CLSTN3: variants seen among roughly 807,000 people sequenced by gnomAD.
CLSTN3 encodes calsyntenin 3.
Under a neutral mutation model 95.9 loss-of-function variants are expected in CLSTN3, and 36 were observed. The ratio of observed to expected loss-of-function variants is 0.38; its 90% confidence interval spans 0.29 to 0.50. The LOEUF (loss-of-function observed/expected upper bound fraction) is 0.50, where lower values mean the gene tolerates loss of function less well. Among genes scored for constraint, CLSTN3 ranks in the 20% least tolerant of loss-of-function variants. The pLI, the probability that CLSTN3 is intolerant of heterozygous loss-of-function variation, is 0.95. For synonymous variants in CLSTN3, 481 were observed against 504.0 expected, an observed-to-expected ratio of 0.95 and a Z score of 0.61; for missense variants, 1,084 against 1,268.8, an observed-to-expected ratio of 0.85 and a Z score of 2.21.
Position 7,135,335 on chromosome 12 carries a change from T to C in CLSTN3, c.392T>C (p.Val131Ala). 6.2e-7 allele frequency: 1 copy of C among 1,614,126 alleles called. No individual in the cohort carries two copies. The highest frequency in any genetic ancestry group is 1.1e-5 in the South Asian group (1 of 91,080). Residue 131 changes from valine (V) to alanine (A), a missense_variant, in exon 4 of 18, where the codon GTG becomes GCG. Val to Ala is a moderately conservative substitution (Grantham distance 64, BLOSUM62 0). Coordinates refer to ENST00000266546, the MANE Select transcript of CLSTN3 (RefSeq NM_014718.4). ...ANTKKSHKAT[V>A]HVRVNDVNEF... Reference sequence around the variant, plus strand: ...CTCTCTGGCATATGCAGGGCCACTGTGCATGTGCGGGTCAACGATGTGAAC... The same window carrying C: ...CTCTCTGGCATATGCAGGGCCACTGCGCATGTGCGGGTCAACGATGTGAAC...
In CLSTN3 at chr12:7,149,599, G is replaced by A; in HGVS notation, c.2151G>A (p.Leu717=). The change falls in exon 14 of 18, where the codon CTG becomes CTA. Residue 717 remains leucine, a synonymous_variant. Transcript: ENST00000266546. The surrounding 1 kb of genome is among the most constrained non-coding windows in gnomAD (Gnocchi z 4.5). ...GCEISLVGDD[L]DPERESLLLD... is the part of the protein sequence containing the mutation. ...AAATTTCTCTGGTGGGGGATGACCT[G>A]GATCCCGAGCGGGAAAGCCTGCTCC... 1.2e-6 allele frequency: 2 copies of A among 1,614,186 alleles called. No homozygotes were observed. The highest frequency in any genetic ancestry group is 8.5e-7 in the Non-Finnish European group (1 of 1,180,016).
rs770765851 is a variant in CLSTN3 at position 7,157,425 on chromosome 12, C to T, written c.2528-64C>T. ...GGGCTGCCTCTTTTCCTACCCAGCC[C>T]CCTGTCCAAGTGCCCCCAGGTGTGC... On this transcript the variant is annotated intron_variant, in intron 16 of 17. Coordinates refer to ENST00000266546, the MANE Select transcript of CLSTN3 (RefSeq NM_014718.4). This position sits in a 1 kb window ranked among gnomAD's most constrained non-coding sequence, Gnocchi z 5.9. 84 of 1,430,396 alleles carry T rather than the reference C, an allele frequency of 5.9e-5. No homozygotes were observed. The African/African-American group carries it at 1.1e-3, about 20-fold the overall frequency. The allele number at this position is 1,430,396 out of a possible 1,614,324, so 88.6% of individuals were successfully genotyped here. A position where few individuals can be genotyped will look rare whatever the true frequency, so the allele number is the denominator to read the frequency against.
intron 1 of CLSTN3, 127 bp downstream of exon 1, chr12:7,130,839 T>G (rs2135791109): frequency 1.2e-6 from 1 of 807,426 alleles, no homozygotes; most frequent in Non-Finnish European, 2.1e-6. Flanking sequence ...CTGATCACCC[T>G]CCTTCCCATC....
In CLSTN3 at chr12:7,149,272, C is replaced by T; in HGVS notation, c.2074+74C>T. ...CTGGAGTCAGAGTGTGGGAGAACTC[C>T]TGGGGCTGGAAGCAGAAAGCGACTC... On this transcript the variant is annotated intron_variant, in intron 13 of 17. Coordinates refer to ENST00000266546, the MANE Select transcript of CLSTN3 (RefSeq NM_014718.4). The surrounding 1 kb of genome is among the most constrained non-coding windows in gnomAD (Gnocchi z 4.5). 8.1e-7 allele frequency: 1 copy of T among 1,229,748 alleles called. No individual in the cohort carries two copies. The highest frequency in any genetic ancestry group is 1.5e-5 in the African/African-American group (1 of 66,072). The allele number at this position is 1,229,748 out of a possible 1,614,324, so 76.2% of individuals were successfully genotyped here.
chr12:7,144,072 CA>C (rs1939581862), intron 12 of CLSTN3, among the ~76,000 whole-genome samples: 1 of 151,836 alleles, frequency 6.6e-6, no homozygotes, highest in Non-Finnish European at 1.5e-5. Flanking sequence ...ACTAAAAATA[CA>C]AAAATTAGCT....
At position 7,133,103 on chromosome 12, in the gene CLSTN3, A is replaced by G. The variant is rs929729009; in HGVS notation, c.144A>G (p.Pro48=). 6.2e-7 allele frequency: 1 copy of G among 1,614,054 alleles called. No homozygotes were observed. Among genetic ancestry groups the G allele is most frequent in the Non-Finnish European group, 8.5e-7 (1 of 1,179,990 alleles). ...ATGACAACACGGTCCTACTGAATCC[A>G]CCACTCTTTGCCTTGGACAAGGATG... ...MENDNTVLLN[P]PLFALDKDAP... Residue 48 remains proline (P), a synonymous_variant, in exon 2 of 18, where the codon CCA becomes CCG. Transcript: ENST00000266546. This position sits in a 1 kb window ranked among gnomAD's most constrained non-coding sequence, Gnocchi z 4.7.
intron 12 of CLSTN3, among the ~76,000 whole-genome samples, chr12:7,143,924 A>G (rs905160907): frequency 1.3e-5 from 2 of 152,160 alleles, no homozygotes; most frequent in African/African-American, 4.8e-5. Context: ...AAACAGAACT[A>G]TCTAATCCTT....
chr12:7,157,707 A>C lies in CLSTN3; in HGVS notation c.2730+16A>C, dbSNP rs756075960. ...CCCCATGGAGGTGAGAGGCCTGGGG[A>C]AGCGGGGTTCTGTAGGGTCAAGACT... On this transcript the variant is annotated intron_variant, in intron 17 of 17. Transcript: ENST00000266546. This position sits in a 1 kb window ranked among gnomAD's most constrained non-coding sequence, Gnocchi z 5.9. The C allele has an allele frequency of 1.9e-5, 30 of 1,558,954 alleles. No individual in the cohort carries two copies. The highest frequency in any genetic ancestry group is 2.5e-5 in the Non-Finnish European group (29 of 1,150,746).
At chr12:7,147,255 C>T (rs140691895) in intron 12 of CLSTN3, among the ~76,000 whole-genome samples, 359 of 151,546 alleles carry the variant, frequency 2.4e-3, no homozygotes, top group African/African-American at 7.5e-3. Flanking sequence ...TGGACTTGGG[C>T]GGTGTGTGGT....
chr12:7,137,331 T>A lies in CLSTN3; in HGVS notation c.1210+221T>A, dbSNP rs940505506. On this transcript the variant is annotated intron_variant, in intron 7 of 17. Transcript: ENST00000266546. The surrounding 1 kb of genome is among the most constrained non-coding windows in gnomAD (Gnocchi z 4.4). The stretch of plus-strand genomic sequence containing the variant: ...CAATGGGATTCCTTGCTGCTACTCT[T>A]GTTTTCAGTTGCCCAGTCAACTTCT... 3 of 557,716 alleles carry A rather than the reference T, an allele frequency of 5.4e-6. No individual in the cohort carries two copies. Among genetic ancestry groups the A allele is most frequent in the Non-Finnish European group, 9.6e-6 (3 of 313,530 alleles). The allele number at this position is 557,716 out of a possible 1,614,324, so 34.5% of individuals were successfully genotyped here.
chr12:7,150,721 A>T lies in CLSTN3; in HGVS notation c.2391+32A>T. ...AGAGAGTCTCCTTCCTTCCACAGTT[A>T]CCCACCCCCAGAAAGGAGCTGAGGT... On this transcript the variant is annotated intron_variant, in intron 15 of 17. Transcript: ENST00000266546. This position sits in a 1 kb window ranked among gnomAD's most constrained non-coding sequence, Gnocchi z 4.0. 6.2e-7 allele frequency: 1 copy of T among 1,603,794 alleles called. No homozygotes were observed. Among genetic ancestry groups the T allele is most frequent in the Non-Finnish European group, 8.5e-7 (1 of 1,171,540 alleles).
intron 3 of CLSTN3, among the ~76,000 whole-genome samples, chr12:7,135,023 C>T (rs1002993086): frequency 3.3e-5 from 5 of 152,028 alleles, no homozygotes; most frequent in African/African-American, 4.8e-5. Flanking sequence ...TCTGGCTCTC[C>T]GTCGGGATTC....
At chr12:7,155,270 C>T (rs1045291491) in intron 16 of CLSTN3, among the ~76,000 whole-genome samples, 13 of 152,228 alleles carry the variant, frequency 8.5e-5, no homozygotes, top group Non-Finnish European at 4.4e-5. Context: ...ATCCTCCCAT[C>T]TCCCCGGGCT....
Position 7,149,717 on chromosome 12 carries a change from C to G in CLSTN3, c.2245+24C>G. The G allele has an allele frequency of 7.5e-6, 12 of 1,602,518 alleles. No individual in the cohort carries two copies. Among genetic ancestry groups the G allele is most frequent in the Non-Finnish European group, 1.0e-5 (12 of 1,172,314 alleles). ...TGGTCAGTGGGGCCTGAGGGCCTGTCCTCTGTGTGTGTGTGCCCCTCCCAA... is the reference window on the plus strand; with the variant it reads ...TGGTCAGTGGGGCCTGAGGGCCTGTGCTCTGTGTGTGTGTGCCCCTCCCAA... On this transcript the variant is annotated intron_variant, in intron 14 of 17. Coordinates refer to ENST00000266546, the MANE Select transcript of CLSTN3 (RefSeq NM_014718.4). The surrounding 1 kb of genome is among the most constrained non-coding windows in gnomAD (Gnocchi z 4.5).
chr12:7,129,378 C>T (rs1456505495), upstream of CLSTN3: 2 of 164,470 alleles, frequency 1.2e-5, no homozygotes, highest in Non-Finnish European at 2.7e-5. This position sits in a 1 kb window ranked among gnomAD's most constrained non-coding sequence, Gnocchi z 5.5. Flanking sequence ...CTCAGAGCTC[C>T]CTCAGGTAGT....
At chr12:7,138,957 C>T (rs1254358253) in intron 8 of CLSTN3, 1 of 150,526 alleles carries the variant, frequency 6.6e-6, no homozygotes, top group African/African-American at 2.4e-5. Flanking sequence ...TTTAAAGAGA[C>T]AGTCTGTCAT....
chr12:7,135,436 C>G lies in CLSTN3; in HGVS notation c.493C>G (p.Arg165Gly), dbSNP rs149090453. The G allele has an allele frequency of 6.2e-7, 1 of 1,614,132 alleles. No homozygotes were observed. Among genetic ancestry groups the G allele is most frequent in the South Asian group, 1.1e-5 (1 of 91,084 alleles). The change falls in exon 4 of 18, where the codon CGG becomes GGG. Residue 165 changes from arginine to glycine, a missense_variant. Physicochemically the swap from Arg to Gly is moderately radical, Grantham distance 125. Transcript: ENST00000266546. ...TEGKLYDRILRVEAIDGDCSP... is the reference protein window; with the variant it reads ...TEGKLYDRILGVEAIDGDCSP... Reference sequence around the variant, plus strand: ...GGGGAAGCTGTACGATCGCATCCTGCGGGTGGAAGCCATTGACGGTGACTG... The same window carrying G: ...GGGGAAGCTGTACGATCGCATCCTGGGGGTGGAAGCCATTGACGGTGACTG...
At position 7,158,231 on chromosome 12, in the gene CLSTN3, C is replaced by T. The variant is rs1236321179; in HGVS notation, c.*150C>T. Reference sequence around the variant, plus strand: ...CCTTTCATTTCAAAACCCCAGCGGGCCCTCTGGAGTCCGCCCTGCCCCTCC... The same window carrying T: ...CCTTTCATTTCAAAACCCCAGCGGGTCCTCTGGAGTCCGCCCTGCCCCTCC... On this transcript the variant is annotated 3_prime_UTR_variant, in exon 18 of 18. Transcript: ENST00000266546. 3.1e-6 allele frequency: 3 copies of T among 969,386 alleles called. No individual in the cohort carries two copies. Among genetic ancestry groups the T allele is most frequent in the South Asian group, 2.0e-5 (1 of 49,588 alleles). 60.0% of individuals were successfully genotyped at this position (969,386 alleles called of 1,614,324 possible).
chr12:7,149,936 C>T lies in CLSTN3; in HGVS notation c.2245+243C>T, dbSNP rs111612532. On this transcript the variant is annotated intron_variant, in intron 14 of 17. Coordinates refer to ENST00000266546, the MANE Select transcript of CLSTN3 (RefSeq NM_014718.4). This position sits in a 1 kb window ranked among gnomAD's most constrained non-coding sequence, Gnocchi z 4.5. Reference sequence around the variant, plus strand: ...AGCCTGGCTCACCTCCACTTCTGGTCCCACTCCTGTTTCCATTCAGGCTTC... The same window carrying T: ...AGCCTGGCTCACCTCCACTTCTGGTTCCACTCCTGTTTCCATTCAGGCTTC... Among the ~76,000 whole-genome samples the T allele has an allele frequency of 5.3e-5, 8 of 152,300 alleles. No individual in the cohort carries two copies. Among genetic ancestry groups the T allele is most frequent in the African/African-American group, 1.7e-4 (7 of 41,566 alleles).
Sources: gnomAD v4.1 joint callset for allele counts (sites outside exome capture counted in the v4.1 genomes callset) on GRCh38, gnomAD v4.1.1 for gene constraint, Gnocchi (gnomAD v3.1) non-coding constraint, MANE v1.5 for transcripts, NCBI Gene and HGNC (gene_info 2026-07-23, HGNC 2026-07-21) for gene names.